PACSIN2: variants seen among roughly 807,000 people sequenced by gnomAD.
PACSIN2 encodes protein kinase C and casein kinase substrate in neurons 2, also known as protein kinase C and casein kinase substrate in neurons protein 2.
PACSIN2 carries 25 observed loss-of-function variants against 63.8 expected under a neutral mutation model. The ratio of observed to expected loss-of-function variants is 0.39; its 90% confidence interval spans 0.29 to 0.55. The LOEUF (loss-of-function observed/expected upper bound fraction) is 0.55. Ranked by LOEUF, PACSIN2 falls within the 20% of genes least tolerant of loss-of-function variation. The pLI is 0.62. For missense variants in PACSIN2, 518 were observed against 646.9 expected (o/e 0.80, Z 2.16); for synonymous variants, 255 against 256.2 (o/e 1.00, Z 0.05).
chr22:42,926,321 G>C (rs1312493775), intron 1 of PACSIN2, among the ~76,000 whole-genome samples: 1 of 152,172 alleles, frequency 6.6e-6, no homozygotes. Flanking sequence ...CCCTCCAGAA[G>C]CACCCATCGG....
In PACSIN2 at chr22:42,891,140, A is replaced by G; in HGVS notation, c.260T>C (p.Met87Thr). ...GTVEKAWMAF[M>T]SEAERVSELH... ...CTCGCTCACCCTCTCTGCCTCGGAC[A>G]TGAAGGCCATCCAGGCCTTCTCCAC... Residue 87 changes from methionine to threonine, a missense_variant, in exon 4 of 11, where the codon ATG becomes ACG. Physicochemically the swap from Met to Thr is moderately conservative, Grantham distance 81. Around this residue, in one of 2 missense-constraint regions of PACSIN2, gnomAD observed 507 missense variants for 612.3 expected, o/e 0.83. Coordinates refer to ENST00000263246, the MANE Select transcript of PACSIN2 (RefSeq NM_001184970.3). 6.2e-7 allele frequency: 1 copy of G among 1,614,098 alleles called. No homozygotes were observed. Among genetic ancestry groups the G allele is most frequent in the Non-Finnish European group, 8.5e-7 (1 of 1,180,016 alleles).
At chr22:42,896,544 T>C (rs1025431189) in intron 2 of PACSIN2, among the ~76,000 whole-genome samples, 2 of 152,254 alleles carry the variant, frequency 1.3e-5, no homozygotes, top group African/African-American at 4.8e-5. Context: ...TGAAGGTTGC[T>C]TGGGTCATTT....
intron 1 of PACSIN2, among the ~76,000 whole-genome samples, chr22:42,977,631 A>C (rs1921797867): frequency 1.3e-5 from 2 of 152,180 alleles, no homozygotes; most frequent in Admixed American, 1.3e-4. Flanking sequence ...CCTCACCCAA[A>C]TCTCACGGCA....
chr22:42,964,850 T>A (rs1920939966), intron 1 of PACSIN2, among the ~76,000 whole-genome samples: 1 of 150,774 alleles, frequency 6.6e-6, no homozygotes, highest in South Asian at 2.1e-4. Context: ...CAGGGGTAAC[T>A]AGAATAGTGT....
At chr22:42,887,306 C>G (rs1381510301) in intron 5 of PACSIN2, among the ~76,000 whole-genome samples, 1 of 152,186 alleles carries the variant, frequency 6.6e-6, no homozygotes, top group Non-Finnish European at 1.5e-5. Flanking sequence ...CAGTGAGGAA[C>G]AGTGGAGAAA....
intron 1 of PACSIN2, among the ~76,000 whole-genome samples, chr22:42,970,242 G>T (rs1178299603): frequency 6.6e-6 from 1 of 152,242 alleles, no homozygotes; most frequent in Non-Finnish European, 1.5e-5. Context: ...CATCACGGTG[G>T]TGAGTCATGG....
chr22:42,881,950 A>G (rs60768489), intron 7 of PACSIN2, among the ~76,000 whole-genome samples: 3,621 of 152,342 alleles, frequency 0.024, 143 homozygotes, highest in African/African-American at 0.084. Context: ...ATTCCCAACT[A>G]GAGAGGACAT....
At chr22:43,012,641 T>C (rs1924577741) in intron 1 of PACSIN2, among the ~76,000 whole-genome samples, 1 of 151,840 alleles carries the variant, frequency 6.6e-6, no homozygotes, top group African/African-American at 2.4e-5. Context: ...TGTGCACCAC[T>C]ACGCCAGACT....
rs1394169907 is a variant in PACSIN2, at chr22:42,977,725, T to C, written c.-78+37296A>G. ...GCGAATTTCCCCCTTGCTATTCTCA[T>C]GACAGTAAGTGTGTTCTCGGAGATC... On this transcript the variant is annotated intron_variant, in intron 1 of 10. Transcript: ENST00000263246. Among the ~76,000 whole-genome samples, 3 of 152,120 alleles carry C rather than the reference T, an allele frequency of 2.0e-5. No individual in the cohort carries two copies. The East Asian group carries it at 5.8e-4, about 29-fold the overall frequency.
chr22:42,882,610 C>T (rs1365057313), intron 6 of PACSIN2, among the ~76,000 whole-genome samples: 2 of 152,234 alleles, frequency 1.3e-5, no homozygotes, highest in Non-Finnish European at 2.9e-5. Flanking sequence ...TCTGTGTGGT[C>T]CCATTTCACC....
At chr22:42,920,952 G>A (rs940461803) in intron 1 of PACSIN2, among the ~76,000 whole-genome samples, 9 of 151,760 alleles carry the variant, frequency 5.9e-5, no homozygotes, top group East Asian at 1.9e-4. Context: ...ACAGGCATGC[G>A]CCCAGCTAAT....
chr22:43,000,408 C>G (rs772575285), intron 1 of PACSIN2, among the ~76,000 whole-genome samples: 2 of 152,234 alleles, frequency 1.3e-5, no homozygotes, highest in Non-Finnish European at 1.5e-5. Context: ...TTGTCTCCAC[C>G]TCCACCAATC....
chr22:42,991,675 C>G (rs1436156807), intron 1 of PACSIN2, among the ~76,000 whole-genome samples: 1 of 152,186 alleles, frequency 6.6e-6, no homozygotes, highest in Non-Finnish European at 1.5e-5. Flanking sequence ...AAGCTGAGAA[C>G]AGTAAACAGT....
At chr22:42,915,519 G>GA (rs2146730469) in intron 1 of PACSIN2, among the ~76,000 whole-genome samples, 1 of 152,232 alleles carries the variant, frequency 6.6e-6, no homozygotes, top group African/African-American at 2.4e-5. Context: ...TACCCCACGG[G>GA]TATCCCCTGT....
At chr22:43,006,684 G>A (rs189443992) in intron 1 of PACSIN2, among the ~76,000 whole-genome samples, 81 of 152,152 alleles carry the variant, frequency 5.3e-4, no homozygotes, top group Middle Eastern at 3.4e-3. Flanking sequence ...GCATGATGGC[G>A]CATGCCTATA....
chr22:42,903,933 A>G (rs1403591467), intron 2 of PACSIN2, among the ~76,000 whole-genome samples: 1 of 152,094 alleles, frequency 6.6e-6, no homozygotes, highest in African/African-American at 2.4e-5. Context: ...GGAGCTCACT[A>G]CCCTGAAAGC....
At chr22:42,893,407 C>G in intron 3 of PACSIN2, 50 bp downstream of exon 3, 1 of 1,588,976 alleles carries the variant, frequency 6.3e-7, no homozygotes, top group African/African-American at 1.3e-5. Context: ...GAGCCCCCGG[C>G]TGGGGTGTAG....
At chr22:43,000,156 C>T (rs945765907) in intron 1 of PACSIN2, among the ~76,000 whole-genome samples, 1 of 152,208 alleles carries the variant, frequency 6.6e-6, no homozygotes, top group Non-Finnish European at 1.5e-5. Context: ...GGCCCAAGAC[C>T]AAAACATGCC....
intron 2 of PACSIN2, among the ~76,000 whole-genome samples, chr22:42,901,390 C>T (rs193112774): frequency 1.3e-5 from 2 of 152,318 alleles, no homozygotes; most frequent in East Asian, 3.9e-4. Flanking sequence ...CAGTTGGCAA[C>T]GAGACGGGCA....
Sources: gnomAD v4.1 joint callset for allele counts (sites outside exome capture counted in the v4.1 genomes callset) on GRCh38, gnomAD v4.1.1 for gene constraint, gnomAD v4.1.1 regional missense constraint, MANE v1.5 for transcripts, NCBI Gene and HGNC (gene_info 2026-07-23, HGNC 2026-07-21) for gene names.